The following ATP8B1 variants were observed in gnomAD, a reference collection of about 807,000 sequenced individuals.
ATP8B1 encodes the protein phospholipid-transporting ATPase IC.
Under a neutral mutation model 149.9 loss-of-function variants are expected in ATP8B1, and 80 were observed. The observed-to-expected ratio is 0.53, with a 90% confidence interval of 0.45 to 0.64. The LOEUF (loss-of-function observed/expected upper bound fraction) is 0.64. Among genes scored for constraint, ATP8B1 ranks in the 30% least tolerant of loss-of-function variants. ATP8B1 has a pLI of 0.00. For synonymous variants in ATP8B1, 536 were observed against 562.8 expected, an observed-to-expected ratio of 0.95 and a Z score of 0.67; for missense variants, 1,247 against 1,552.6, an observed-to-expected ratio of 0.80 and a Z score of 3.31.
intron 2 of ATP8B1, among the ~76,000 whole-genome samples, chr18:57,710,339 T>C (rs1462884989): frequency 6.6e-6 from 1 of 152,196 alleles, no homozygotes; most frequent in Non-Finnish European, 1.5e-5. Context: ...ACCCTGAGTC[T>C]ACTAAATGGT....
intron 4 of ATP8B1, among the ~76,000 whole-genome samples, chr18:57,704,230 A>G (rs1913274633): frequency 6.6e-6 from 1 of 152,136 alleles, no homozygotes; most frequent in Non-Finnish European, 1.5e-5. Flanking sequence ...GGCCTCCCAA[A>G]GTGCTGGGAT....
chr18:57,694,407 G>C (rs1912695838), intron 11 of ATP8B1, among the ~76,000 whole-genome samples, 175 bp downstream of exon 11: 1 of 151,930 alleles, frequency 6.6e-6, no homozygotes, highest in African/African-American at 2.4e-5. Flanking sequence ...CTGAGAAAAA[G>C]TAAGGCATTT....
chr18:57,773,166 C>T (rs1329327139), intron 1 of ATP8B1, among the ~76,000 whole-genome samples: 1 of 144,326 alleles, frequency 6.9e-6, no homozygotes, highest in Non-Finnish European at 1.5e-5. Context: ...CACACCATTG[C>T]ACTCCAGCCT....
intron 2 of ATP8B1, among the ~76,000 whole-genome samples, chr18:57,725,464 T>G (rs913866410): frequency 6.6e-6 from 1 of 152,222 alleles, no homozygotes. Flanking sequence ...CCCAAAGCAA[T>G]CTACAGATTC....
At chr18:57,663,798 C>T (rs528025234) in intron 20 of ATP8B1, among the ~76,000 whole-genome samples, 6 of 137,662 alleles carry the variant, frequency 4.4e-5, no homozygotes, top group East Asian at 4.1e-4. Context: ...GGCAGAGTCT[C>T]GCTCTGTCAC....
Position 57,694,715 on chromosome 18 carries a change from A to G in ATP8B1, c.941-45T>C, listed in dbSNP as rs115560863. ...TGTAGTCATCAGTTGGGAAAAATCA[A>G]TTCACTAGCTCACCAATAAAATTAC... is the stretch of plus-strand genomic sequence containing the variant. On this transcript the variant is annotated intron_variant, in intron 10 of 27. Coordinates refer to ENST00000648908, the MANE Select transcript of ATP8B1 (RefSeq NM_001374385.1). The G allele has an allele frequency of 8.9e-6, 11 of 1,240,814 alleles. No homozygotes were observed. The African/African-American group carries it at 1.3e-4, about 15-fold the overall frequency. The allele number at this position is 1,240,814 out of a possible 1,614,324, so 76.9% of individuals were successfully genotyped here. A position where few individuals can be genotyped will look rare whatever the true frequency, so the allele number is the denominator to read the frequency against.
In ATP8B1 at chr18:57,699,565, A is replaced by G. The variant is rs145253667; in HGVS notation, c.554+1474T>C. On this transcript the variant is annotated intron_variant, in intron 6 of 27. Coordinates refer to ENST00000648908, the MANE Select transcript of ATP8B1 (RefSeq NM_001374385.1). Reference sequence around the variant, plus strand: ...CGGTGAAACCCCATCTCTACTAAAAATACAAAAAATTAGCCAGGTGCAGTG... The same window carrying G: ...CGGTGAAACCCCATCTCTACTAAAAGTACAAAAAATTAGCCAGGTGCAGTG... Among the ~76,000 whole-genome samples the G allele has an allele frequency of 2.0e-3, 302 of 152,208 alleles. 10 individuals carry two copies. In the East Asian group the frequency reaches 0.045, roughly 23 times the overall value.
At chr18:57,768,768 A>T (rs2080240650) in intron 1 of ATP8B1, among the ~76,000 whole-genome samples, 1 of 152,196 alleles carries the variant, frequency 6.6e-6, no homozygotes, top group Non-Finnish European at 1.5e-5. Context: ...AGAAGTGGAA[A>T]TTGATGCAAG....
Position 57,691,959 on chromosome 18 carries a change from G to A in ATP8B1, c.1068C>T (p.Ala356=). Residue 356 remains alanine (A), a synonymous_variant, in exon 12 of 28, where the codon GCC becomes GCT. Transcript: ENST00000648908. ...GTGCTTCCCAATAAGCATGGCCGAT[G>A]GCAAGACCAGCAGAAAGCAGAATAA... The part of the protein sequence containing the change: ...VVLILLSAGL[A]IGHAYWEAQV... 6.2e-7 allele frequency: 1 copy of A among 1,614,022 alleles called. No individual in the cohort carries two copies. The highest frequency in any genetic ancestry group is 8.5e-7 in the Non-Finnish European group (1 of 1,180,004).
At chr18:57,663,267 T>C (rs1910609145) in intron 20 of ATP8B1, among the ~76,000 whole-genome samples, 2 of 152,214 alleles carry the variant, frequency 1.3e-5, no homozygotes, top group Admixed American at 6.5e-5. Context: ...CATAATTTCC[T>C]TCCTTTTTAA....
intron 2 of ATP8B1, among the ~76,000 whole-genome samples, chr18:57,718,146 A>G (rs1599150262): frequency 6.6e-6 from 1 of 151,716 alleles, no homozygotes; most frequent in Admixed American, 6.6e-5. Flanking sequence ...GAGAGACCCA[A>G]ATAAATAAAA....
At chr18:57,800,869 C>T (rs947241119) in intron 1 of ATP8B1, among the ~76,000 whole-genome samples, 5 of 152,010 alleles carry the variant, frequency 3.3e-5, no homozygotes, top group African/African-American at 9.7e-5. Flanking sequence ...GAGGAATGGA[C>T]GGAAGGAAAG....
chr18:57,693,682 TG>T (rs1054287624), intron 11 of ATP8B1, among the ~76,000 whole-genome samples: 4 of 151,948 alleles, frequency 2.6e-5, no homozygotes, highest in Admixed American at 2.0e-4. Context: ...TACTCCAGCC[TG>T]GGCAACAAGA....
chr18:57,648,504 C>T lies in ATP8B1; in HGVS notation c.3740G>A (p.Arg1247His), dbSNP rs1327927754. ...IVADGTAEYRRTGDS is the reference protein window; with the variant it reads ...IVADGTAEYRHTGDS Reference sequence around the variant, plus strand: ...GGTAAGGGATCAGCTGTCCCCGGTGCGCCTGTACTCCGCGGTGCCATCCGC... The same window carrying T: ...GGTAAGGGATCAGCTGTCCCCGGTGTGCCTGTACTCCGCGGTGCCATCCGC... The change falls in exon 28 of 28, where the codon CGC (arginine) becomes CAC (histidine). Residue 1247 changes from arginine to histidine, a missense_variant. By Grantham distance (29) the Arg-to-His change is conservative. Coordinates refer to ENST00000648908, the MANE Select transcript of ATP8B1 (RefSeq NM_001374385.1). 1 of 1,611,292 alleles carries T rather than the reference C, an allele frequency of 6.2e-7. No homozygotes were observed. Among genetic ancestry groups the T allele is most frequent in the East Asian group, 2.2e-5 (1 of 44,882 alleles).
chr18:57,727,108 G>T (rs1293055818), intron 2 of ATP8B1, among the ~76,000 whole-genome samples: 2 of 152,058 alleles, frequency 1.3e-5, no homozygotes, highest in African/African-American at 4.8e-5. Context: ...TAAATAAAAA[G>T]AATAAAATAA....
In ATP8B1 at chr18:57,661,164, C is replaced by T; in HGVS notation, c.2707+10G>A. ...CGTTGGGCCTCACTGGCCGTGGGTG[C>T]ATGACTCACTTTTGATCATGTTCAC... On this transcript the variant is annotated intron_variant, in intron 22 of 27. Transcript: ENST00000648908. 6.2e-7 allele frequency: 1 copy of T among 1,613,000 alleles called. No individual in the cohort carries two copies. Among genetic ancestry groups the T allele is most frequent in the Non-Finnish European group, 8.5e-7 (1 of 1,180,014 alleles).
intron 11 of ATP8B1, among the ~76,000 whole-genome samples, chr18:57,694,340 C>A (rs969904743): frequency 1.3e-5 from 2 of 151,926 alleles, no homozygotes; most frequent in African/African-American, 4.8e-5. Context: ...ACTCAGGGCA[C>A]CCTACAACCG....
intron 1 of ATP8B1, among the ~76,000 whole-genome samples, chr18:57,743,016 T>C (rs529096112): frequency 7.2e-5 from 11 of 152,298 alleles, no homozygotes; most frequent in Non-Finnish European, 1.2e-4. Context: ...CATTTCCTAG[T>C]AATATTATAT....
intron 8 of ATP8B1, 83 bp downstream of exon 8, chr18:57,697,535 C>T (rs1412754438): frequency 1.2e-5 from 17 of 1,446,412 alleles, no homozygotes; most frequent in Non-Finnish European, 1.7e-5. Flanking sequence ...ATCAAGCCGT[C>T]TGGTCCACAA....
Sources: gnomAD v4.1 joint callset for allele counts (sites outside exome capture counted in the v4.1 genomes callset) on GRCh38, gnomAD v4.1.1 for gene constraint, MANE v1.5 for transcripts, NCBI Gene and HGNC (gene_info 2026-07-23, HGNC 2026-07-21) for gene names.